LPP: variants seen among roughly 807,000 people sequenced by gnomAD.
LPP encodes the protein LIM domain containing preferred translocation partner in lipoma.
In LPP, 38 loss-of-function variants were observed where a neutral mutation model predicts 60.4. The ratio of observed to expected loss-of-function variants is 0.63; its 90% CI spans 0.49 to 0.83. The LOEUF (loss-of-function observed/expected upper bound fraction) is 0.83. Among genes scored for constraint, LPP ranks in the 40% least tolerant of loss-of-function variants. LPP has a pLI of 0.00. For missense variants in LPP, 902 were observed against 783.6 expected (o/e 1.15, Z -1.80); for synonymous variants, 328 against 290.8 (o/e 1.13, Z -1.30).
chr3:188,795,770 G>T (rs1745157283), intron 9 of LPP, among the ~76,000 whole-genome samples: 1 of 151,950 alleles, frequency 6.6e-6, no homozygotes, highest in African/African-American at 2.4e-5. Flanking sequence ...TTTCCAAATC[G>T]AATTTTGTGG....
intron 7 of LPP, among the ~76,000 whole-genome samples, chr3:188,693,706 G>A (rs146618800): frequency 1.1e-4 from 16 of 152,168 alleles, no homozygotes; most frequent in Middle Eastern, 3.4e-3. Context: ...AGTGTGTGTC[G>A]CCTCGCCGAG....
intron 9 of LPP, among the ~76,000 whole-genome samples, chr3:188,772,968 G>A (rs1736564533): frequency 6.6e-6 from 1 of 152,132 alleles, no homozygotes; most frequent in Non-Finnish European, 1.5e-5. Flanking sequence ...TATGAACAGA[G>A]TCATTGCTGA....
intron 2 of LPP, among the ~76,000 whole-genome samples, chr3:188,249,219 G>A (rs948859986): frequency 2.6e-5 from 4 of 152,032 alleles, no homozygotes; most frequent in African/African-American, 4.8e-5. Flanking sequence ...CAACACAGCC[G>A]AGACCCCACA....
chr3:188,253,425 A>G (rs1272924675), intron 2 of LPP, among the ~76,000 whole-genome samples: 1 of 152,180 alleles, frequency 6.6e-6, no homozygotes, highest in African/African-American at 2.4e-5. Flanking sequence ...GTGTAACATA[A>G]TGAATGGATC....
chr3:188,468,001 G>T (rs992371655), intron 4 of LPP, among the ~76,000 whole-genome samples: 2 of 152,148 alleles, frequency 1.3e-5, no homozygotes, highest in Admixed American at 6.6e-5. Context: ...ATGTTAAAAT[G>T]ATCTGTTTAT....
intron 2 of LPP, among the ~76,000 whole-genome samples, chr3:188,284,333 T>C (rs1175758509): frequency 1.3e-5 from 2 of 152,010 alleles, no homozygotes; most frequent in African/African-American, 2.4e-5. Flanking sequence ...GACAAGTTAG[T>C]GTTTATTCAA....
At chr3:188,520,820 T>C (rs1032846527) in intron 5 of LPP, among the ~76,000 whole-genome samples, 9 of 152,178 alleles carry the variant, frequency 5.9e-5, no homozygotes, top group Admixed American at 5.9e-4. Context: ...GAAAAAGCAT[T>C]AGTCAGGAGA....
At chr3:188,179,485 T>A in intron 1 of LPP, 1 of 457,894 alleles carries the variant, frequency 2.2e-6, no homozygotes, top group South Asian at 1.5e-5. Context: ...GGCGCCCACA[T>A]CTGCGACACG....
At chr3:188,504,842 C>T (rs1442408226) in intron 5 of LPP, among the ~76,000 whole-genome samples, 10 of 151,066 alleles carry the variant, frequency 6.6e-5, no homozygotes, top group Admixed American at 6.6e-4. Context: ...GAAGTCACTT[C>T]AGCTGGAGTG....
chr3:188,516,017 A>G (rs1429427828), intron 5 of LPP, among the ~76,000 whole-genome samples: 1 of 152,202 alleles, frequency 6.6e-6, no homozygotes, highest in Non-Finnish European at 1.5e-5. Flanking sequence ...CTAGAGCAGC[A>G]TGGGAGAAAA....
rs188632628 is a variant in LPP, at chr3:188,367,059, G to T, written c.-10+25340G>T. Among the ~76,000 whole-genome samples the T allele has an allele frequency of 5.5e-3, 831 of 152,128 alleles. 7 individuals carry two copies. Among genetic ancestry groups the T allele is most frequent in the Non-Finnish European group, 9.1e-3 (617 of 68,000 alleles). Reference sequence around the variant, plus strand: ...CTACAGGCACCCGCCACCATGCCCGGCTAATTTTTTGTATTTTTAGTAGAG... The same window carrying T: ...CTACAGGCACCCGCCACCATGCCCGTCTAATTTTTTGTATTTTTAGTAGAG... On this transcript the variant is annotated intron_variant, in intron 3 of 11. Coordinates refer to ENST00000617246, the MANE Select transcript of LPP (RefSeq NM_001375462.1).
chr3:188,334,032 A>G (rs1211815449), intron 2 of LPP, among the ~76,000 whole-genome samples: 3 of 152,118 alleles, frequency 2.0e-5, no homozygotes, highest in African/African-American at 7.2e-5. Context: ...CCCTCCTGCT[A>G]CTTTTCTCCA....
At chr3:188,840,966 C>A (rs1216524872) in intron 9 of LPP, among the ~76,000 whole-genome samples, 1 of 152,102 alleles carries the variant, frequency 6.6e-6, no homozygotes, top group Non-Finnish European at 1.5e-5. Flanking sequence ...TGGGAAAATG[C>A]TACTCTGTTT....
intron 9 of LPP, among the ~76,000 whole-genome samples, chr3:188,802,755 A>G (rs2367481): frequency 0.71 from 108,248 of 151,942 alleles, 38,975 homozygotes; most frequent in East Asian, 0.86. Flanking sequence ...CCGCACTCCA[A>G]CCTGGGGAAC....
rs535353353 is a variant in LPP at position 188,435,895 on chromosome 3, A to G, written c.193+29582A>G. 1.5e-4 allele frequency among the ~76,000 whole-genome samples: 23 copies of G among 152,220 alleles called. No homozygotes were observed. In the South Asian group the frequency reaches 4.6e-3, roughly 30 times the overall value. ...TCTCTACAGCTTTCCTGCTGTCCTAAAGAGACAAAAGGCATATGGCTTTCT... is the reference window on the plus strand; with the variant it reads ...TCTCTACAGCTTTCCTGCTGTCCTAGAGAGACAAAAGGCATATGGCTTTCT... On this transcript the variant is annotated intron_variant, in intron 4 of 11. Coordinates refer to ENST00000617246, the MANE Select transcript of LPP (RefSeq NM_001375462.1).
At chr3:188,804,909 T>G (rs1209724354) in intron 9 of LPP, among the ~76,000 whole-genome samples, 1 of 146,560 alleles carries the variant, frequency 6.8e-6, no homozygotes. Flanking sequence ...ATCATGAAAG[T>G]GTGTTGAATT....
Position 188,659,341 on chromosome 3 carries a change from G to A in LPP, c.1114-48926G>A, listed in dbSNP as rs535066231. On this transcript the variant is annotated intron_variant, in intron 7 of 11. Transcript: ENST00000617246. ...AAGGCAGTCATTAATTACATGTTACGTCTTTTATCAGAACCTCAGTTTGGA... is the reference window on the plus strand; with the variant it reads ...AAGGCAGTCATTAATTACATGTTACATCTTTTATCAGAACCTCAGTTTGGA... 4.6e-5 allele frequency among the ~76,000 whole-genome samples: 7 copies of A among 152,248 alleles called. No individual in the cohort carries two copies. The South Asian group carries it at 8.3e-4, about 18-fold the overall frequency.
intron 4 of LPP, among the ~76,000 whole-genome samples, chr3:188,480,541 G>C (rs1351551721): frequency 6.6e-6 from 1 of 152,204 alleles, no homozygotes; most frequent in Non-Finnish European, 1.5e-5. Flanking sequence ...GGAGGGACCA[G>C]GTCTGAAGGC....
At chr3:188,709,902 G>T (rs1245914767) in intron 8 of LPP, 4 of 152,104 alleles carry the variant, frequency 2.6e-5, no homozygotes, top group African/African-American at 9.7e-5. Flanking sequence ...AACTGTTAAC[G>T]AATTACTCTT....
Sources: allele counts gnomAD v4.1 joint callset (sites outside exome capture counted in the v4.1 genomes callset), GRCh38; gene constraint gnomAD v4.1.1; transcripts MANE v1.5; gene names NCBI Gene and HGNC (gene_info 2026-07-23, HGNC 2026-07-21).